Variants in USP15 observed in about 807,000 individuals in gnomAD.
USP15 encodes ubiquitin specific peptidase 15, also known as ubiquitin carboxyl-terminal hydrolase 15.
USP15 carries 18 observed loss-of-function variants against 127.1 expected under a neutral mutation model. The ratio of observed to expected loss-of-function variants is 0.14; its 90% confidence interval spans 0.10 to 0.21. USP15 has a LOEUF of 0.21. USP15 is among the 10% of genes least tolerant of loss of function. USP15 has a pLI of 1.00. For synonymous variants in USP15, 364 were observed against 393.7 expected, an observed-to-expected ratio of 0.92 and a Z score of 0.89; for missense variants, 805 against 1,159.9, an observed-to-expected ratio of 0.69 and a Z score of 4.44.
At chr12:62,395,692 CTGT>C (rs1032548179) in intron 19 of USP15, among the ~76,000 whole-genome samples, 16 of 151,712 alleles carry the variant, frequency 1.1e-4, no homozygotes, top group African/African-American at 3.9e-4. Context: ...TCTACTCTGT[CTGT>C]CTATGAGCTC....
intron 8 of USP15, among the ~76,000 whole-genome samples, chr12:62,375,549 A>T (rs2066800781): frequency 6.6e-6 from 1 of 152,174 alleles, no homozygotes; most frequent in Non-Finnish European, 1.5e-5. Context: ...ACGGAGTTCG[A>T]GGTATCAAGT....
rs2067821955 is a variant in USP15 at position 62,405,025 on chromosome 12, A to G, written c.*650A>G. On this transcript the variant is annotated 3_prime_UTR_variant, in exon 22 of 22. Transcript: ENST00000280377. ...TATTCATTTTACTGCCACTGTGGAAACAGGTTCTAGATTTCATACTCCATC... is the reference window on the plus strand; with the variant it reads ...TATTCATTTTACTGCCACTGTGGAAGCAGGTTCTAGATTTCATACTCCATC... The G allele has an allele frequency of 6.6e-6, 1 of 152,126 alleles. No homozygotes were observed. Among genetic ancestry groups the G allele is most frequent in the African/African-American group, 2.4e-5 (1 of 41,456 alleles). 9.4% of individuals were successfully genotyped at this position (152,126 alleles called of 1,614,324 possible).
At chr12:62,390,316 T>G (rs2067282684) in intron 14 of USP15, among the ~76,000 whole-genome samples, 1 of 152,202 alleles carries the variant, frequency 6.6e-6, no homozygotes, top group African/African-American at 2.4e-5. Context: ...AAATGCCATA[T>G]GTTTGCACTG....
At chr12:62,335,237 C>CT in intron 6 of USP15, 1 of 1,534,456 alleles carries the variant, frequency 6.5e-7, no homozygotes, top group Non-Finnish European at 8.7e-7. Context: ...AGCTAAAGGG[C>CT]TCTGGTTATC....
At chr12:62,292,478 A>T (rs1045820171) in intron 1 of USP15, among the ~76,000 whole-genome samples, 2 of 152,206 alleles carry the variant, frequency 1.3e-5, no homozygotes, top group Non-Finnish European at 2.9e-5. Context: ...GTGGAACTGC[A>T]GTTGCCCCTC....
chr12:62,356,541 G>A (rs2066136772), intron 8 of USP15, among the ~76,000 whole-genome samples: 1 of 151,884 alleles, frequency 6.6e-6, no homozygotes. Flanking sequence ...TTTAGAAATT[G>A]AATAGGGAAG....
intron 4 of USP15, 148 bp from the exon 5 acceptor site, chr12:62,321,316 G>A: frequency 2.0e-6 from 1 of 492,326 alleles, no homozygotes. Flanking sequence ...AAACCCTTTT[G>A]TTGGTTTGTG....
chr12:62,312,314 A>C (rs562330355), intron 3 of USP15: 1 of 343,026 alleles, frequency 2.9e-6, no homozygotes, highest in Non-Finnish European at 6.0e-6. Flanking sequence ...ATGAAGGTAA[A>C]GTTTCCATGA....
At chr12:62,402,632 G>A (rs1327140891) in intron 21 of USP15, among the ~76,000 whole-genome samples, 1 of 152,072 alleles carries the variant, frequency 6.6e-6, no homozygotes, top group Non-Finnish European at 1.5e-5. Context: ...ATAATTGGAT[G>A]TGACTCAAAG....
intron 11 of USP15, among the ~76,000 whole-genome samples, chr12:62,386,289 C>A (rs2067148323): frequency 6.6e-6 from 1 of 151,382 alleles, no homozygotes. Context: ...AGCTGAGTTT[C>A]CCTATTTGTT....
In USP15 at chr12:62,359,238, G is replaced by GAA. The variant is rs764125277; in HGVS notation, c.915+3779_915+3780dup. 3.0e-3 allele frequency among the ~76,000 whole-genome samples: 248 copies of GAA among 81,966 alleles called. 1 individual carries two copies. The highest frequency in any genetic ancestry group is 8.9e-3 in the African/African-American group (209 of 23,592). The allele number at this position is 81,966 out of a possible 152,430, so 53.8% of individuals were successfully genotyped here. ...CAGTTTGAAAGCCAAAGTCTGGCTT[G>GAA]AAAAAAAAAAAAAAAAAGAAACACA... On this transcript the variant is annotated intron_variant, in intron 8 of 21. Coordinates refer to ENST00000280377, the MANE Select transcript of USP15 (RefSeq NM_001252078.2).
intron 11 of USP15, 151 bp from the exon 12 acceptor site, chr12:62,389,280 T>A (rs1319548353): frequency 8.0e-6 from 5 of 624,262 alleles, no homozygotes; most frequent in Non-Finnish European, 1.4e-5. Flanking sequence ...ATGTGGGCAT[T>A]GTCACACAGG....
chr12:62,351,292 A>G (rs2065959776), intron 7 of USP15, among the ~76,000 whole-genome samples: 2 of 149,726 alleles, frequency 1.3e-5, no homozygotes, highest in African/African-American at 4.9e-5. Flanking sequence ...TGCACAGGCC[A>G]AAAAAAAAGA....
At chr12:62,287,389 C>T (rs187666047) in intron 1 of USP15, among the ~76,000 whole-genome samples, 29 of 152,130 alleles carry the variant, frequency 1.9e-4, no homozygotes, top group African/African-American at 5.5e-4. Context: ...AATCTGTGTT[C>T]TTTGCCCACA....
At chr12:62,301,857 T>G (rs1340432363) in intron 2 of USP15, among the ~76,000 whole-genome samples, 3 of 152,198 alleles carry the variant, frequency 2.0e-5, no homozygotes, top group Non-Finnish European at 4.4e-5. Flanking sequence ...AAGACTAACT[T>G]AGGACAAGAA....
At position 62,408,913 on chromosome 12, in the gene USP15, G is replaced by A. The variant is rs1012770426; in HGVS notation, c.*4538G>A. ...ATTAAAAGAATTTCCAAATAGCTCA[G>A]ATAAGAAAACTTTGGTTTAAAATTG... On this transcript the variant is annotated 3_prime_UTR_variant, in exon 22 of 22. Transcript: ENST00000280377. 2.6e-5 allele frequency: 4 copies of A among 151,920 alleles called. No homozygotes were observed. Among genetic ancestry groups the A allele is most frequent in the African/African-American group, 4.8e-5 (2 of 41,378 alleles). The allele number at this position is 151,920 out of a possible 1,614,324, so 9.4% of individuals were successfully genotyped here.
intron 5 of USP15, 106 bp from the exon 6 acceptor site, chr12:62,325,762 TTAAA>T (rs1276137974): frequency 2.2e-6 from 2 of 899,178 alleles, no homozygotes; most frequent in East Asian, 2.8e-5. Context: ...CTGTTTTCCT[TTAAA>T]TAATCACAGA....
intron 6 of USP15, among the ~76,000 whole-genome samples, chr12:62,348,302 A>G (rs1056333522): frequency 2.6e-5 from 4 of 152,210 alleles, no homozygotes; most frequent in Non-Finnish European, 5.9e-5. Flanking sequence ...TGCATTGTAG[A>G]TATATATATT....
chr12:62,331,448 AGG>A (rs2065298065), intron 6 of USP15, among the ~76,000 whole-genome samples: 9 of 152,344 alleles, frequency 5.9e-5, no homozygotes, highest in Middle Eastern at 3.4e-3. Flanking sequence ...AGTGGCATCC[AGG>A]GTTCCCACCC....
Sources: gnomAD v4.1 joint callset for allele counts (sites outside exome capture counted in the v4.1 genomes callset) on GRCh38, gnomAD v4.1.1 for gene constraint, MANE v1.5 for transcripts, NCBI Gene and HGNC (gene_info 2026-07-23, HGNC 2026-07-21) for gene names.